FHIT: variants seen among roughly 807,000 people sequenced by gnomAD.
FHIT encodes bis(5'-adenosyl)-triphosphatase.
FHIT carries 19 observed loss-of-function variants against 17.9 expected under a neutral mutation model. The observed-to-expected ratio is 1.06, with a 90% CI of 0.74 to 1.56. The LOEUF (loss-of-function observed/expected upper bound fraction) is 1.56. Among genes scored for constraint, FHIT ranks in the 40% most tolerant of loss-of-function variants. The probability of loss-of-function intolerance (pLI) is 0.00; values close to 1 mark genes in which losing one functional copy is unlikely to be tolerated. For missense variants in FHIT, 248 were observed against 189.2 expected (o/e 1.31, Z -1.82); for synonymous variants, 81 against 69.7 (o/e 1.16, Z -0.81).
chr3:60,599,224 G>A (rs1028478858), intron 4 of FHIT, among the ~76,000 whole-genome samples: 1 of 152,064 alleles, frequency 6.6e-6, no homozygotes, highest in African/African-American at 2.4e-5. Context: ...TATTGTGTTA[G>A]AACACAAAGG....
chr3:60,014,978 T>C (rs1341015200), intron 5 of FHIT, among the ~76,000 whole-genome samples: 1 of 151,274 alleles, frequency 6.6e-6, no homozygotes, highest in Admixed American at 6.6e-5. Context: ...ACACCATCAA[T>C]AACATTTCAG....
chr3:60,393,730 T>C (rs1701324459), intron 5 of FHIT, among the ~76,000 whole-genome samples: 1 of 152,124 alleles, frequency 6.6e-6, no homozygotes, highest in African/African-American at 2.4e-5. Context: ...AATATCTGGA[T>C]TTCCATTACC....
At chr3:60,991,849 G>A (rs1237778114) in intron 3 of FHIT, among the ~76,000 whole-genome samples, 2 of 152,008 alleles carry the variant, frequency 1.3e-5, no homozygotes, top group East Asian at 3.9e-4. Flanking sequence ...GAAGCATAAG[G>A]TAAAGCACTC....
intron 4 of FHIT, among the ~76,000 whole-genome samples, chr3:60,571,386 A>G (rs114645164): frequency 0.013 from 1,929 of 146,562 alleles, 29 homozygotes; most frequent in Non-Finnish European, 0.022. Flanking sequence ...ACGTATTACC[A>G]ACACTGAGAT....
intron 5 of FHIT, among the ~76,000 whole-genome samples, chr3:60,067,908 G>A (rs1039618714): frequency 6.6e-6 from 1 of 152,108 alleles, no homozygotes; most frequent in African/African-American, 2.4e-5. Flanking sequence ...AGTTTCAATG[G>A]TTTCACACTT....
At chr3:61,242,145 C>T (rs1477653747) in intron 1 of FHIT, among the ~76,000 whole-genome samples, 1 of 152,090 alleles carries the variant, frequency 6.6e-6, no homozygotes, top group African/African-American at 2.4e-5. Context: ...TAACTGTATG[C>T]ATTTTCTATG....
intron 4 of FHIT, among the ~76,000 whole-genome samples, chr3:60,702,397 C>G (rs1373886750): frequency 6.6e-6 from 1 of 151,820 alleles, no homozygotes; most frequent in Non-Finnish European, 1.5e-5. Flanking sequence ...ATAATAAAAA[C>G]TATTAGGGAA....
intron 2 of FHIT, among the ~76,000 whole-genome samples, chr3:61,127,682 T>C (rs1295768657): frequency 6.6e-6 from 1 of 151,954 alleles, no homozygotes; most frequent in African/African-American, 2.4e-5. Flanking sequence ...CTGACCAATA[T>C]GGTGAAACCC....
intron 5 of FHIT, among the ~76,000 whole-genome samples, chr3:60,292,584 C>T (rs1708035968): frequency 6.6e-6 from 1 of 152,162 alleles, no homozygotes; most frequent in African/African-American, 2.4e-5. Context: ...CAGAACAAAA[C>T]TGTGTGAAAC....
intron 4 of FHIT, among the ~76,000 whole-genome samples, chr3:60,784,780 A>C (rs1278055230): frequency 1.3e-5 from 2 of 152,132 alleles, no homozygotes; most frequent in African/African-American, 4.8e-5. Flanking sequence ...GGCCTTTGAG[A>C]GGTGATTAGG....
chr3:60,207,678 A>G (rs977671631), intron 5 of FHIT, among the ~76,000 whole-genome samples: 2 of 152,140 alleles, frequency 1.3e-5, no homozygotes, highest in African/African-American at 2.4e-5. Flanking sequence ...GCTTTTTAAA[A>G]AGTCAGAAAC....
chr3:61,095,420 T>C (rs1474296329), intron 2 of FHIT, among the ~76,000 whole-genome samples: 2 of 152,170 alleles, frequency 1.3e-5, no homozygotes, highest in Non-Finnish European at 2.9e-5. Context: ...ACATATAAGA[T>C]ACAGACTCCG....
intron 3 of FHIT, among the ~76,000 whole-genome samples, chr3:60,823,846 G>A (rs781813072): frequency 5.3e-5 from 8 of 152,158 alleles, no homozygotes; most frequent in Non-Finnish European, 1.2e-4. Flanking sequence ...TTGAGGTGCA[G>A]GGGACAACCA....
chr3:61,174,112 C>T (rs534821611), intron 2 of FHIT, among the ~76,000 whole-genome samples: 2 of 152,306 alleles, frequency 1.3e-5, no homozygotes, highest in African/African-American at 4.8e-5. Flanking sequence ...ATGGAAACTG[C>T]AGGTGTTAGA....
At chr3:60,470,239 C>T (rs2033021016) in intron 5 of FHIT, among the ~76,000 whole-genome samples, 1 of 152,022 alleles carries the variant, frequency 6.6e-6, no homozygotes, top group Non-Finnish European at 1.5e-5. Context: ...ACTCAAGTCC[C>T]AAGGGTTCTG....
chr3:60,732,281 A>G (rs1266941955), intron 4 of FHIT: 1 of 932,034 alleles, frequency 1.1e-6, no homozygotes, highest in Non-Finnish European at 1.8e-6. Context: ...CCAACCACTG[A>G]GTCTTGGCAG....
chr3:60,152,448 G>A (rs149123974), intron 5 of FHIT, among the ~76,000 whole-genome samples: 148 of 152,288 alleles, frequency 9.7e-4, no homozygotes, highest in African/African-American at 3.3e-3. Flanking sequence ...AAAGCAGGCC[G>A]CAGCTACTTC....
At chr3:60,732,369 A>C (rs2042047884) in intron 4 of FHIT, 1 of 822,852 alleles carries the variant, frequency 1.2e-6, no homozygotes, top group South Asian at 1.3e-5. Context: ...TCTATGCTTC[A>C]GGATGAAGTT....
chr3:59,751,611 T>G (rs981153795), intron 9 of FHIT: 1 of 219,402 alleles, frequency 4.6e-6, no homozygotes, highest in Admixed American at 5.8e-5. Flanking sequence ...CTTAAACCTA[T>G]GATCTCTCAA....
Sources: allele counts gnomAD v4.1 joint callset (sites outside exome capture counted in the v4.1 genomes callset), GRCh38; gene constraint gnomAD v4.1.1; transcripts MANE v1.5; gene names NCBI Gene and HGNC (gene_info 2026-07-23, HGNC 2026-07-21).